PEX5L: variants seen among roughly 807,000 people sequenced by gnomAD.
PEX5L encodes the protein peroxisomal biogenesis factor 5 like, also known as PEX5-related protein.
In PEX5L, 30 loss-of-function variants were observed where a neutral mutation model predicts 84.0. The ratio of observed to expected loss-of-function variants is 0.36; its 90% confidence interval spans 0.27 to 0.48. PEX5L has a LOEUF of 0.48. PEX5L is among the 20% of genes least tolerant of loss of function. The pLI, the probability that PEX5L is intolerant of heterozygous loss-of-function variation, is 0.99. For missense variants in PEX5L, 533 were observed against 754.6 expected (o/e 0.71, Z 3.44); for synonymous variants, 270 against 283.1 (o/e 0.95, Z 0.46).
intron 2 of PEX5L, among the ~76,000 whole-genome samples, chr3:179,936,275 C>T (rs1184423438): frequency 6.6e-6 from 1 of 152,014 alleles, no homozygotes; most frequent in African/African-American, 2.4e-5. Context: ...CATATGCTGT[C>T]AATGTACTTT....
intron 7 of PEX5L, among the ~76,000 whole-genome samples, chr3:179,870,878 G>A (rs1750072518): frequency 6.6e-6 from 1 of 152,092 alleles, no homozygotes; most frequent in Admixed American, 6.5e-5. Flanking sequence ...ATTTGAAAGA[G>A]GCTAGACTAT....
chr3:179,875,130 T>A (rs2339916), intron 6 of PEX5L, among the ~76,000 whole-genome samples: 69,757 of 149,002 alleles, frequency 0.47, 16,439 homozygotes, highest in East Asian at 0.79. Flanking sequence ...ACAATGTTGA[T>A]TTAAGAATCT....
intron 1 of PEX5L, among the ~76,000 whole-genome samples, chr3:179,993,531 A>T (rs1787577940): frequency 6.6e-6 from 1 of 151,848 alleles, no homozygotes; most frequent in African/African-American, 2.4e-5. Context: ...ATGGGGTCTC[A>T]CTCTGTCACC....
intron 7 of PEX5L, among the ~76,000 whole-genome samples, chr3:179,867,190 A>G (rs549515393): frequency 6.6e-6 from 1 of 152,218 alleles, no homozygotes; most frequent in Non-Finnish European, 1.5e-5. Flanking sequence ...ATTGAGGCAA[A>G]TAAGTGCTGA....
chr3:179,966,583 G>T (rs1783398772), intron 2 of PEX5L, among the ~76,000 whole-genome samples: 1 of 151,986 alleles, frequency 6.6e-6, no homozygotes, highest in Non-Finnish European at 1.5e-5. Context: ...AGATAAGCTG[G>T]GTATCTTCTC....
At chr3:179,973,159 C>T in intron 1 of PEX5L, 1 of 1,287,658 alleles carries the variant, frequency 7.8e-7, no homozygotes, top group South Asian at 1.2e-5. Flanking sequence ...GTATACGTAC[C>T]AAGTAGCTCA....
chr3:179,993,735 T>A (rs1787599398), intron 1 of PEX5L, among the ~76,000 whole-genome samples: 1 of 152,092 alleles, frequency 6.6e-6, no homozygotes, highest in African/African-American at 2.4e-5. Flanking sequence ...ACTCCTGAGC[T>A]CAAGTGATCT....
intron 10 of PEX5L, 137 bp from the exon 11 acceptor site, chr3:179,812,008 A>C: frequency 1.5e-6 from 1 of 672,976 alleles, no homozygotes; most frequent in Admixed American, 2.4e-5. Flanking sequence ...AAAGGGAAAA[A>C]TATTGTATGC....
At chr3:179,885,955 A>T (rs1288339840) in intron 4 of PEX5L, among the ~76,000 whole-genome samples, 1 of 152,244 alleles carries the variant, frequency 6.6e-6, no homozygotes, top group Non-Finnish European at 1.5e-5. Context: ...ACAGAGGGCA[A>T]CATTGTAGAT....
chr3:179,986,286 A>T (rs540505313), intron 1 of PEX5L, among the ~76,000 whole-genome samples: 1 of 151,768 alleles, frequency 6.6e-6, no homozygotes, highest in African/African-American at 2.4e-5. Context: ...ATGTGCTAGG[A>T]TGAAAAGTTT....
At chr3:179,939,442 A>G (rs1049460087) in intron 2 of PEX5L, among the ~76,000 whole-genome samples, 3 of 152,204 alleles carry the variant, frequency 2.0e-5, no homozygotes, top group Non-Finnish European at 2.9e-5. Context: ...TTGAAGTCTT[A>G]AACTAAAGCA....
At chr3:179,893,189 A>G (rs1758121308) in intron 3 of PEX5L, among the ~76,000 whole-genome samples, 1 of 152,144 alleles carries the variant, frequency 6.6e-6, no homozygotes, top group Non-Finnish European at 1.5e-5. Context: ...AATTAATATT[A>G]GCTACCATAT....
chr3:179,875,617 G>T (rs1577930075), intron 5 of PEX5L, 140 bp from the exon 6 acceptor site: 2 of 601,232 alleles, frequency 3.3e-6, no homozygotes, highest in East Asian at 5.7e-5. Context: ...TTATCCAAGG[G>T]AGCTTCATTG....
intron 3 of PEX5L, among the ~76,000 whole-genome samples, chr3:179,888,574 C>T (rs1265886948): frequency 3.3e-5 from 5 of 150,742 alleles, no homozygotes; most frequent in African/African-American, 4.9e-5. Context: ...CCCGTCTTGC[C>T]GAGTTATGTT....
intron 2 of PEX5L, among the ~76,000 whole-genome samples, chr3:179,926,937 T>C (rs1336242648): frequency 6.6e-6 from 1 of 152,188 alleles, no homozygotes; most frequent in Non-Finnish European, 1.5e-5. Flanking sequence ...AGGAAAAAAG[T>C]AATGGTGTGG....
intron 1 of PEX5L, among the ~76,000 whole-genome samples, chr3:180,004,908 T>A (rs1241450776): frequency 2.0e-5 from 3 of 152,146 alleles, no homozygotes; most frequent in African/African-American, 7.2e-5. Flanking sequence ...AAATTGAGCA[T>A]CTCATATTGA....
chr3:180,002,556 T>A (rs930837879), intron 1 of PEX5L, among the ~76,000 whole-genome samples: 10 of 152,138 alleles, frequency 6.6e-5, no homozygotes, highest in African/African-American at 2.2e-4. Context: ...TTGTAAATTG[T>A]GTTTTGGGTC....
chr3:179,861,485 C>A (rs1746104210), intron 7 of PEX5L, among the ~76,000 whole-genome samples: 1 of 152,188 alleles, frequency 6.6e-6, no homozygotes, highest in Non-Finnish European at 1.5e-5. Context: ...GCAGGCAGCA[C>A]AGGGGTGAGG....
At chr3:179,872,297 A>T (rs192558649) in intron 7 of PEX5L, among the ~76,000 whole-genome samples, 1 of 152,228 alleles carries the variant, frequency 6.6e-6, no homozygotes, top group East Asian at 1.9e-4. Context: ...AATTCATGAA[A>T]TTTTCCTAAT....
Sources: allele counts gnomAD v4.1 joint callset (sites outside exome capture counted in the v4.1 genomes callset), GRCh38; gene constraint gnomAD v4.1.1; transcripts MANE v1.5; gene names NCBI Gene and HGNC (gene_info 2026-07-23, HGNC 2026-07-21).